Variants in NR2E1 observed in about 807,000 individuals in gnomAD.
NR2E1 encodes the protein nuclear receptor subfamily 2 group E member 1, also known as nuclear receptor TLX.
Under a neutral mutation model 43.6 loss-of-function variants are expected in NR2E1, and 5 were observed. That is an observed-to-expected ratio of 0.11 (90% CI 0.06 to 0.24). NR2E1 has a LOEUF of 0.24. NR2E1 is among the 10% of genes least tolerant of loss of function. NR2E1 has a pLI of 1.00. For missense variants in NR2E1, 287 were observed against 496.7 expected (o/e 0.58, Z 4.01); for synonymous variants, 191 against 195.5 (o/e 0.98, Z 0.19).
intron 8 of NR2E1, among the ~76,000 whole-genome samples, chr6:108,182,662 G>A (rs1774012244): frequency 6.6e-6 from 1 of 150,600 alleles, no homozygotes; most frequent in Non-Finnish European, 1.5e-5. Context: ...GGGTTCAAGT[G>A]ATTCTCCTGC....
chr6:108,174,708 G>C (rs1773867987), intron 2 of NR2E1, 128 bp from the exon 3 acceptor site: 1 of 740,908 alleles, frequency 1.3e-6, no homozygotes, highest in Non-Finnish European at 2.4e-6. Context: ...TGCAGGCCCA[G>C]GCTCGGGGCT....
intron 5 of NR2E1, among the ~76,000 whole-genome samples, chr6:108,179,512 G>GTGTA (rs1773951983): frequency 6.6e-6 from 1 of 151,262 alleles, no homozygotes; most frequent in Admixed American, 6.6e-5. Flanking sequence ...GTGTGTGTGT[G>GTGTA]TGTGTGTGTG....
intron 8 of NR2E1, among the ~76,000 whole-genome samples, chr6:108,185,862 C>T (rs1774068427): frequency 6.6e-6 from 1 of 152,080 alleles, no homozygotes; most frequent in South Asian, 2.1e-4. Flanking sequence ...CTATAGATTC[C>T]CCCAAATTCA....
intron 2 of NR2E1, among the ~76,000 whole-genome samples, chr6:108,172,769 T>G (rs1161512809): frequency 6.6e-6 from 1 of 152,276 alleles, no homozygotes; most frequent in Non-Finnish European, 1.5e-5. Flanking sequence ...TGTTTTCTAA[T>G]AGTTTTGGAT....
intron 4 of NR2E1, among the ~76,000 whole-genome samples, chr6:108,177,891 C>T (rs934725510): frequency 6.6e-6 from 1 of 152,192 alleles, no homozygotes; most frequent in Non-Finnish European, 1.5e-5. Flanking sequence ...GGAAATGGAC[C>T]TCCCCCAACC....
At chr6:108,178,414 C>T (rs560272993) in intron 5 of NR2E1, among the ~76,000 whole-genome samples, 173 bp downstream of exon 5, 1 of 152,352 alleles carries the variant, frequency 6.6e-6, no homozygotes, top group South Asian at 2.1e-4. Context: ...TTCAAAATAT[C>T]TACCTATATG....
At chr6:108,171,206 G>T (rs1773805970) in intron 1 of NR2E1, among the ~76,000 whole-genome samples, 1 of 152,190 alleles carries the variant, frequency 6.6e-6, no homozygotes, top group African/African-American at 2.4e-5. Context: ...GGGTCTCGGC[G>T]ATTAGAAGAG....
chr6:108,166,705 G>T lies in NR2E1; in HGVS notation c.-61G>T, dbSNP rs1379601361. The T allele has an allele frequency of 3.5e-6, 5 of 1,434,080 alleles. No homozygotes were observed. Among genetic ancestry groups the T allele is most frequent in the Non-Finnish European group, 4.6e-6 (5 of 1,087,508 alleles). The allele number at this position is 1,434,080 out of a possible 1,614,324, so 88.8% of individuals were successfully genotyped here. A position where few individuals can be genotyped will look rare whatever the true frequency, so the allele number is the denominator to read the frequency against. On this transcript the variant is annotated 5_prime_UTR_variant, in exon 1 of 9. Coordinates refer to ENST00000368986, the MANE Select transcript of NR2E1 (RefSeq NM_003269.5). The surrounding 1 kb of genome is among the most constrained non-coding windows in gnomAD (Gnocchi z 7.2). ...GAGCGGCGGCGCCCGGCGGCGAGGC[G>T]GGCGCTGCCGGCCGGGACTCGGGCA...
In NR2E1 at chr6:108,166,825, G is replaced by T; in HGVS notation, c.25+35G>T. On this transcript the variant is annotated intron_variant, in intron 1 of 8. Transcript: ENST00000368986. The surrounding 1 kb of genome is among the most constrained non-coding windows in gnomAD (Gnocchi z 7.2). Reference sequence around the variant, plus strand: ...TCTCGGGCCGCCGTGGGGCCTAGGCGCGCAGCCTGGGGCGAGCGAGCGGGG... The same window carrying T: ...TCTCGGGCCGCCGTGGGGCCTAGGCTCGCAGCCTGGGGCGAGCGAGCGGGG... 6.3e-7 allele frequency: 1 copy of T among 1,581,710 alleles called. No homozygotes were observed. Among genetic ancestry groups the T allele is most frequent in the Admixed American group, 1.8e-5 (1 of 55,112 alleles).
intron 2 of NR2E1, among the ~76,000 whole-genome samples, chr6:108,174,181 C>T (rs1250816324): frequency 6.6e-6 from 1 of 152,062 alleles, no homozygotes; most frequent in Admixed American, 6.6e-5. Context: ...GCACCTGGGC[C>T]GAGGCTAGTC....
intron 1 of NR2E1, among the ~76,000 whole-genome samples, chr6:108,168,549 A>T (rs2114669459): frequency 1.3e-5 from 2 of 152,348 alleles, no homozygotes; most frequent in East Asian, 3.9e-4. Flanking sequence ...GGCCGTTCTA[A>T]CTTGCCAAGA....
chr6:108,174,161 G>A (rs945098360), intron 2 of NR2E1, among the ~76,000 whole-genome samples: 1 of 152,138 alleles, frequency 6.6e-6, no homozygotes, highest in Non-Finnish European at 1.5e-5. Context: ...AGGAAGGGCT[G>A]TGTTTCTATG....
chr6:108,176,220 C>A lies in NR2E1; in HGVS notation c.260-283C>A, dbSNP rs140382907. ...TCCCTGGTGGGGAGGAGCCCTGGAC[C>A]GAAGGAGAACACACCTGGTCTTACT... On this transcript the variant is annotated intron_variant, in intron 3 of 8. Coordinates refer to ENST00000368986, the MANE Select transcript of NR2E1 (RefSeq NM_003269.5). 196 of 522,530 alleles carry A rather than the reference C, an allele frequency of 3.8e-4. 3 individuals carry two copies. In the East Asian group the frequency reaches 5.8e-3, roughly 15 times the overall value. The allele number at this position is 522,530 out of a possible 1,614,324, so 32.4% of individuals were successfully genotyped here.
At chr6:108,171,667 C>T in intron 2 of NR2E1, 64 bp downstream of exon 2, 1 of 1,600,240 alleles carries the variant, frequency 6.2e-7, no homozygotes, top group Middle Eastern at 1.7e-4. Context: ...TTTGTTTGTG[C>T]CAAGGCCTCC....
intron 8 of NR2E1, among the ~76,000 whole-genome samples, chr6:108,184,742 G>T (rs553588690): frequency 6.6e-5 from 10 of 152,164 alleles, no homozygotes; most frequent in South Asian, 6.2e-4. Flanking sequence ...TCAACCATGG[G>T]TTAACAACAG....
chr6:108,167,076 C>G (rs987739344), intron 1 of NR2E1, among the ~76,000 whole-genome samples: 2 of 151,986 alleles, frequency 1.3e-5, no homozygotes, highest in Admixed American at 1.3e-4. Context: ...TCCATTTAGC[C>G]GCCAGGTGCT....
rs531350733 is a variant in NR2E1, at chr6:108,181,076, ATACTC to A, written c.889+122_889+126del. 5.7e-4 allele frequency: 619 copies of A among 1,079,328 alleles called. 2 individuals are homozygous for A. The African/African-American group carries it at 8.8e-3, about 15-fold the overall frequency. The allele number at this position is 1,079,328 out of a possible 1,614,324, so 66.9% of individuals were successfully genotyped here. On this transcript the variant is annotated intron_variant, in intron 7 of 8. Transcript: ENST00000368986. ...GAGGTGATGGTTTTCAAGGGAGCTGATACTCTTAATCTGGCCCCATTTTTTATTGC... is the reference window on the plus strand; with the variant it reads ...GAGGTGATGGTTTTCAAGGGAGCTGATTAATCTGGCCCCATTTTTTATTGC...
chr6:108,175,017 C>T, intron 3 of NR2E1, 94 bp downstream of exon 3: 1 of 1,165,620 alleles, frequency 8.6e-7, no homozygotes, highest in South Asian at 1.3e-5. Context: ...TGTAAATCAA[C>T]CCCGGAGCGC....
chr6:108,187,562 C>A lies in NR2E1; in HGVS notation c.*99C>A. The A allele has an allele frequency of 1.5e-6, 2 of 1,338,836 alleles. No individual in the cohort carries two copies. Among genetic ancestry groups the A allele is most frequent in the Non-Finnish European group, 2.1e-6 (2 of 938,054 alleles). 82.9% of individuals were successfully genotyped at this position (1,338,836 alleles called of 1,614,324 possible). ...TAACAAACCCTTCAGGAAGCATATA[C>A]CGGGGAATGTGTAGCCTTCAGGAAA... On this transcript the variant is annotated 3_prime_UTR_variant, in exon 9 of 9. Transcript: ENST00000368986.
Sources: allele counts gnomAD v4.1 joint callset (sites outside exome capture counted in the v4.1 genomes callset), GRCh38; gene constraint gnomAD v4.1.1; non-coding constraint Gnocchi (gnomAD v3.1); transcripts MANE v1.5; gene names NCBI Gene and HGNC (gene_info 2026-07-23, HGNC 2026-07-21).